Variants in KIT observed in about 807,000 individuals in gnomAD.
KIT encodes the protein KIT proto-oncogene, receptor tyrosine kinase.
KIT carries 16 observed loss-of-function variants against 105.7 expected under a neutral mutation model. That is an observed-to-expected ratio of 0.15 (90% CI 0.10 to 0.23). The LOEUF (loss-of-function observed/expected upper bound fraction) is 0.23, where lower values mean the gene tolerates loss of function less well. Among genes scored for constraint, KIT ranks in the 10% least tolerant of loss-of-function variants. KIT has a pLI of 1.00. For synonymous variants in KIT, 438 were observed against 441.1 expected (o/e 0.99, Z 0.09); for missense variants, 858 against 1,213.8 (o/e 0.71, Z 4.36).
intron 1 of KIT, among the ~76,000 whole-genome samples, chr4:54,661,900 G>A (rs1717300240): frequency 6.6e-6 from 1 of 152,114 alleles, no homozygotes; most frequent in Non-Finnish European, 1.5e-5. Context: ...GACATTTTTT[G>A]GATGTGATCA....
chr4:54,658,151 C>A (rs1716955513), intron 1 of KIT, 70 bp downstream of exon 1: 1 of 1,479,526 alleles, frequency 6.8e-7, no homozygotes, highest in African/African-American at 1.4e-5. Context: ...AGGGTGGTAC[C>A]CGCCAGGGTG....
At chr4:54,692,224 G>C (rs1719763399) in intron 1 of KIT, among the ~76,000 whole-genome samples, 1 of 152,176 alleles carries the variant, frequency 6.6e-6, no homozygotes, top group Non-Finnish European at 1.5e-5. Flanking sequence ...CAAGAGCCAG[G>C]CTCTCACTTG....
intron 17 of KIT, 73 bp from the exon 18 acceptor site, chr4:54,736,425 T>TA: frequency 8.8e-7 from 1 of 1,139,754 alleles, no homozygotes; most frequent in Non-Finnish European, 1.3e-6. Context: ...GCAGCATCTA[T>TA]AAGAATATCT....
chr4:54,725,739 C>T, intron 8 of KIT, 118 bp from the exon 9 acceptor site: 1 of 972,898 alleles, frequency 1.0e-6, no homozygotes, highest in Middle Eastern at 2.6e-4. Context: ...TGTAAAAGGA[C>T]ATTTTCTGTT....
At chr4:54,672,641 A>G (rs1178838981) in intron 1 of KIT, among the ~76,000 whole-genome samples, 1 of 152,004 alleles carries the variant, frequency 6.6e-6, no homozygotes, top group Non-Finnish European at 1.5e-5. Flanking sequence ...ACTTTTCGGA[A>G]CTTCACCTAT....
At chr4:54,667,012 C>A (rs1421683627) in intron 1 of KIT, among the ~76,000 whole-genome samples, 2 of 152,122 alleles carry the variant, frequency 1.3e-5, no homozygotes, top group Non-Finnish European at 2.9e-5. Flanking sequence ...CAAAATAAGA[C>A]AAAAGGAAGC....
At chr4:54,663,001 A>C (rs1003035599) in intron 1 of KIT, among the ~76,000 whole-genome samples, 1 of 150,226 alleles carries the variant, frequency 6.7e-6, no homozygotes, top group African/African-American at 2.5e-5. Flanking sequence ...GGGGAAAAAA[A>C]AAAACTACAC....
At chr4:54,701,662 T>A (rs1023828349) in intron 4 of KIT, among the ~76,000 whole-genome samples, 2 of 152,206 alleles carry the variant, frequency 1.3e-5, no homozygotes, top group African/African-American at 4.8e-5. Context: ...CTTTCAGCGC[T>A]GACAAGTTCA....
intron 16 of KIT, 100 bp downstream of exon 16, chr4:54,732,098 T>G: frequency 1.5e-6 from 2 of 1,319,220 alleles, no homozygotes; most frequent in Non-Finnish European, 2.1e-6. Flanking sequence ...GAGCCATAGT[T>G]AAAATGCAGA....
At chr4:54,737,398 T>G in intron 20 of KIT, 118 bp downstream of exon 20, 1 of 761,294 alleles carries the variant, frequency 1.3e-6, no homozygotes, top group Non-Finnish European at 2.4e-6. Flanking sequence ...AATCTTAGGT[T>G]GCAAATTGGG....
chr4:54,670,529 C>T (rs1252868495), intron 1 of KIT, among the ~76,000 whole-genome samples: 1 of 152,134 alleles, frequency 6.6e-6, no homozygotes, highest in Non-Finnish European at 1.5e-5. Flanking sequence ...TGTCAGGGCT[C>T]ATTAAACCCC....
chr4:54,680,928 T>A (rs1247913886), intron 1 of KIT, among the ~76,000 whole-genome samples: 2 of 152,242 alleles, frequency 1.3e-5, no homozygotes, highest in African/African-American at 4.8e-5. Flanking sequence ...CCCATCTGTT[T>A]GTGGAGTGTG....
At chr4:54,732,045 ATTTTT>A (rs71662297) in intron 16 of KIT, 47 bp downstream of exon 16, 1,947 of 885,612 alleles carry the variant, frequency 2.2e-3, no homozygotes, top group African/African-American at 8.6e-3. Flanking sequence ...TGTTTTTTTG[ATTTTT>A]TTTTTTTTTT....
chr4:54,672,332 A>G (rs1187241417), intron 1 of KIT, among the ~76,000 whole-genome samples: 1 of 151,582 alleles, frequency 6.6e-6, no homozygotes, highest in African/African-American at 2.4e-5. Context: ...GGTACTGTGT[A>G]AGTGGTGTGT....
intron 1 of KIT, among the ~76,000 whole-genome samples, chr4:54,662,625 T>G (rs1212445645): frequency 6.6e-6 from 1 of 152,106 alleles, no homozygotes; most frequent in Non-Finnish European, 1.5e-5. Context: ...CAGGCTGGAG[T>G]GCAATGGCGC....
At chr4:54,658,378 G>C (rs1048979623) in intron 1 of KIT, among the ~76,000 whole-genome samples, 1 of 152,158 alleles carries the variant, frequency 6.6e-6, no homozygotes, top group Non-Finnish European at 1.5e-5. Context: ...GTGCGAGTTT[G>C]GGGTGGCTTT....
At chr4:54,664,767 C>T (rs544920671) in intron 1 of KIT, among the ~76,000 whole-genome samples, 8 of 151,852 alleles carry the variant, frequency 5.3e-5, no homozygotes, top group East Asian at 1.9e-4. Context: ...GCCACCACAC[C>T]GGCTAATTTT....
intron 4 of KIT, among the ~76,000 whole-genome samples, chr4:54,703,091 G>A (rs973657317): frequency 6.6e-6 from 1 of 152,128 alleles, no homozygotes; most frequent in African/African-American, 2.4e-5. Flanking sequence ...GAGTGAGATG[G>A]TGATATCACA....
rs1344578619 is a variant in KIT, at chr4:54,658,496, C to A, written c.67+415C>A. On this transcript the variant is annotated intron_variant, in intron 1 of 20. Coordinates refer to ENST00000288135, the MANE Select transcript of KIT (RefSeq NM_000222.3). Reference sequence around the variant, plus strand: ...CGCAGCTTCCTTTTGTTAAAAGTTGCGTGTGTGTGACCGGCGCCCGGGAGG... The same window carrying A: ...CGCAGCTTCCTTTTGTTAAAAGTTGAGTGTGTGTGACCGGCGCCCGGGAGG... 2.6e-5 allele frequency among the ~76,000 whole-genome samples: 4 copies of A among 152,050 alleles called. No individual in the cohort carries two copies. In the East Asian group the frequency reaches 7.8e-4, roughly 30 times the overall value.
Sources: gnomAD v4.1 joint callset for allele counts (sites outside exome capture counted in the v4.1 genomes callset) on GRCh38, gnomAD v4.1.1 for gene constraint, MANE v1.5 for transcripts, NCBI Gene and HGNC (gene_info 2026-07-23, HGNC 2026-07-21) for gene names.